The following TAFA1 variants were observed in gnomAD, a reference collection of about 807,000 sequenced individuals.
TAFA1 encodes chemokine-like protein TAFA-1.
A neutral mutation model predicts 18.5 loss-of-function variants in TAFA1; 4 were observed. The ratio of observed to expected loss-of-function variants is 0.22; its 90% CI spans 0.11 to 0.49. The LOEUF (loss-of-function observed/expected upper bound fraction) is 0.49, where lower values mean the gene tolerates loss of function less well. TAFA1 is among the 20% of genes least tolerant of loss of function. The pLI, the probability that TAFA1 is intolerant of heterozygous loss-of-function variation, is 0.98. For synonymous variants in TAFA1, 56 were observed against 55.2 expected, an observed-to-expected ratio of 1.01 and a Z score of -0.06; for missense variants, 147 against 169.0, an observed-to-expected ratio of 0.87 and a Z score of 0.72.
intron 4 of TAFA1, among the ~76,000 whole-genome samples, chr3:68,543,836 T>C (rs963650950): frequency 6.6e-6 from 1 of 152,124 alleles, no homozygotes; most frequent in Non-Finnish European, 1.5e-5. Context: ...AACAGAAATG[T>C]AATCTTGATT....
intron 2 of TAFA1, among the ~76,000 whole-genome samples, chr3:68,350,245 G>C (rs1457219391): frequency 6.6e-6 from 1 of 152,098 alleles, no homozygotes; most frequent in Non-Finnish European, 1.5e-5. Flanking sequence ...GAAGACCTGA[G>C]AGTTTAATGT....
rs540546367 is a variant in TAFA1 at position 68,527,836 on chromosome 3, A to G, written c.260-10920A>G. ...AAAAATCTACCGACTGAAGGAAATT[A>G]TACCACATTTAACTTGTGACTTTCA... On this transcript the variant is annotated intron_variant, in intron 3 of 4. Transcript: ENST00000478136. Among the ~76,000 whole-genome samples, 3 of 139,344 alleles carry G rather than the reference A, an allele frequency of 2.2e-5. No homozygotes were observed. In the East Asian group the frequency reaches 6.7e-4, roughly 31 times the overall value. The allele number at this position is 139,344 out of a possible 152,430, so 91.4% of individuals were successfully genotyped here. A position where few individuals can be genotyped will look rare whatever the true frequency, so the allele number is the denominator to read the frequency against.
intron 2 of TAFA1, among the ~76,000 whole-genome samples, chr3:68,157,180 A>C (rs548790492): frequency 1.3e-5 from 2 of 152,218 alleles, no homozygotes; most frequent in South Asian, 2.1e-4. Context: ...TTTTTATTTC[A>C]TTGCTTTTCT....
chr3:68,265,079 T>C (rs2067517455), intron 2 of TAFA1, among the ~76,000 whole-genome samples: 2 of 152,226 alleles, frequency 1.3e-5, no homozygotes, highest in African/African-American at 4.8e-5. Flanking sequence ...CAAAGCAAGA[T>C]ATGTGTTCAA....
chr3:68,019,817 C>A (rs576129646), intron 2 of TAFA1, among the ~76,000 whole-genome samples: 1 of 152,238 alleles, frequency 6.6e-6, no homozygotes, highest in East Asian at 1.9e-4. Flanking sequence ...CCAAAGATAG[C>A]CCCCCGGCCA....
chr3:68,287,706 C>G lies in TAFA1; in HGVS notation c.119-129574C>G, dbSNP rs576521200. 6.6e-5 allele frequency among the ~76,000 whole-genome samples: 10 copies of G among 152,202 alleles called. 1 individual carries two copies. In the South Asian group the frequency reaches 2.1e-3, roughly 32 times the overall value. On this transcript the variant is annotated intron_variant, in intron 2 of 4. Coordinates refer to ENST00000478136, the MANE Select transcript of TAFA1 (RefSeq NM_213609.4). ...AATACATCTGAGGAAATTATTTTAA[C>G]AGTGGATGTTTCCTGGCTTGCATTG...
intron 2 of TAFA1, among the ~76,000 whole-genome samples, chr3:68,056,841 A>C (rs929595013): frequency 2.6e-5 from 4 of 152,170 alleles, no homozygotes; most frequent in Non-Finnish European, 5.9e-5. Context: ...GTATGCAGAC[A>C]TTGGCAGCAG....
At chr3:68,187,918 T>A (rs971748672) in intron 2 of TAFA1, among the ~76,000 whole-genome samples, 1 of 152,016 alleles carries the variant, frequency 6.6e-6, no homozygotes, top group Non-Finnish European at 1.5e-5. Context: ...CTAATGAAGT[T>A]GAGCAATTGT....
At chr3:68,403,410 G>C (rs2070535255) in intron 2 of TAFA1, among the ~76,000 whole-genome samples, 1 of 152,226 alleles carries the variant, frequency 6.6e-6, no homozygotes, top group South Asian at 2.1e-4. Context: ...CAGTGTGGCT[G>C]TGTTTGCAGG....
At chr3:68,146,905 G>A (rs2106913199) in intron 2 of TAFA1, among the ~76,000 whole-genome samples, 1 of 152,196 alleles carries the variant, frequency 6.6e-6, no homozygotes, top group Non-Finnish European at 1.5e-5. Flanking sequence ...TTTCTTATTT[G>A]AAAAGACTTA....
At position 68,323,652 on chromosome 3, in the gene TAFA1, A is replaced by G. The variant is rs539490036; in HGVS notation, c.119-93628A>G. 3.3e-5 allele frequency among the ~76,000 whole-genome samples: 5 copies of G among 152,352 alleles called. 1 individual carries two copies. The South Asian group carries it at 6.2e-4, about 19-fold the overall frequency. Reference sequence around the variant, plus strand: ...GAGGAAGAATAGCCAACAGTCAGATAGTGAACCAAATGATACAAATATTGT... The same window carrying G: ...GAGGAAGAATAGCCAACAGTCAGATGGTGAACCAAATGATACAAATATTGT... On this transcript the variant is annotated intron_variant, in intron 2 of 4. Transcript: ENST00000478136.
At chr3:68,455,043 C>A (rs936448543) in intron 3 of TAFA1, among the ~76,000 whole-genome samples, 7 of 151,960 alleles carry the variant, frequency 4.6e-5, no homozygotes, top group African/African-American at 1.7e-4. Context: ...ATGTATTTTG[C>A]ATATTATATG....
At chr3:68,319,069 G>C (rs796710922) in intron 2 of TAFA1, among the ~76,000 whole-genome samples, 45 of 152,086 alleles carry the variant, frequency 3.0e-4, no homozygotes, top group African/African-American at 1.0e-3. Flanking sequence ...GAGGTATCTT[G>C]GGTCCTATTT....
At chr3:68,101,743 T>C (rs2065150050) in intron 2 of TAFA1, among the ~76,000 whole-genome samples, 2 of 152,174 alleles carry the variant, frequency 1.3e-5, no homozygotes. Flanking sequence ...ACGGTTTCTC[T>C]TGGGAAGACT....
intron 1 of TAFA1, 172 bp from the exon 2 acceptor site, chr3:68,006,452 G>C: frequency 1.8e-6 from 1 of 567,922 alleles, no homozygotes; most frequent in Non-Finnish European, 3.2e-6. Context: ...CATCTGAAAA[G>C]GGCTTTCTCT....
intron 2 of TAFA1, among the ~76,000 whole-genome samples, chr3:68,203,026 A>C (rs2066485674): frequency 6.6e-6 from 1 of 151,748 alleles, no homozygotes; most frequent in Non-Finnish European, 1.5e-5. Context: ...TGGTTGAGAA[A>C]AACTTTATTT....
At chr3:68,129,198 C>A (rs981214926) in intron 2 of TAFA1, among the ~76,000 whole-genome samples, 1 of 152,168 alleles carries the variant, frequency 6.6e-6, no homozygotes, top group African/African-American at 2.4e-5. Context: ...AGCAGTTTGC[C>A]TAACATCAGA....
intron 2 of TAFA1, among the ~76,000 whole-genome samples, chr3:68,416,711 TG>T (rs2070845217): frequency 6.6e-6 from 1 of 152,234 alleles, no homozygotes; most frequent in Non-Finnish European, 1.5e-5. Context: ...TTTGAGACAT[TG>T]TTTAAAGCAC....
intron 2 of TAFA1, among the ~76,000 whole-genome samples, chr3:68,044,271 C>T (rs1449467511): frequency 2.0e-5 from 3 of 152,182 alleles, no homozygotes; most frequent in Non-Finnish European, 2.9e-5. Context: ...CTGCTTTTAT[C>T]TCTGGCATTT....
Sources: gnomAD v4.1 joint callset for allele counts (sites outside exome capture counted in the v4.1 genomes callset) on GRCh38, gnomAD v4.1.1 for gene constraint, MANE v1.5 for transcripts, NCBI Gene and HGNC (gene_info 2026-07-23, HGNC 2026-07-21) for gene names.